The following HS6ST3 variants were observed in gnomAD, a reference collection of about 807,000 sequenced individuals.
HS6ST3 encodes the protein heparan sulfate 6-O-sulfotransferase 3.
HS6ST3 carries 12 observed loss-of-function variants against 36.7 expected under a neutral mutation model. The observed-to-expected ratio is 0.33, with a 90% CI of 0.21 to 0.53. The LOEUF is 0.53. Ranked by LOEUF, HS6ST3 falls within the 20% of genes least tolerant of loss-of-function variation. The probability of loss-of-function intolerance (pLI) is 0.95; values close to 1 mark genes in which losing one functional copy is unlikely to be tolerated. For synonymous variants in HS6ST3, 240 were observed against 257.5 expected (o/e 0.93, Z 0.65); for missense variants, 584 against 640.9 (o/e 0.91, Z 0.96).
intron 1 of HS6ST3, among the ~76,000 whole-genome samples, chr13:96,503,311 T>G (rs2056012988): frequency 6.6e-6 from 1 of 152,166 alleles, no homozygotes; most frequent in Non-Finnish European, 1.5e-5. Flanking sequence ...GAACTACCCA[T>G]TGGTGAGCAA....
chr13:96,737,612 A>G (rs546455619), intron 1 of HS6ST3, among the ~76,000 whole-genome samples: 4 of 129,728 alleles, frequency 3.1e-5, no homozygotes, highest in African/African-American at 1.2e-4. Flanking sequence ...GGCCTGGGCG[A>G]CAGAGCGAGA....
At chr13:96,136,332 A>G (rs1469101151) in intron 1 of HS6ST3, among the ~76,000 whole-genome samples, 2 of 152,148 alleles carry the variant, frequency 1.3e-5, no homozygotes, top group Non-Finnish European at 2.9e-5. Flanking sequence ...TCCACGGGCT[A>G]TATGGAAGCG....
intron 1 of HS6ST3, among the ~76,000 whole-genome samples, chr13:96,224,322 A>T (rs919062694): frequency 6.6e-6 from 1 of 151,946 alleles, no homozygotes; most frequent in African/African-American, 2.4e-5. Context: ...ATTTGAGATG[A>T]GCTGTTTGTC....
chr13:96,537,554 A>G (rs1223729261), intron 1 of HS6ST3, among the ~76,000 whole-genome samples: 1 of 152,138 alleles, frequency 6.6e-6, no homozygotes, highest in African/African-American at 2.4e-5. Flanking sequence ...TATTTCTTAC[A>G]TGCATTTGTT....
chr13:96,586,429 G>A (rs1594812750), intron 1 of HS6ST3, among the ~76,000 whole-genome samples: 1 of 151,970 alleles, frequency 6.6e-6, no homozygotes, highest in African/African-American at 2.4e-5. Flanking sequence ...CCGAGTAGCT[G>A]GGACTACAGG....
intron 1 of HS6ST3, among the ~76,000 whole-genome samples, chr13:96,180,509 A>G (rs1183527646): frequency 6.9e-6 from 1 of 145,982 alleles, no homozygotes; most frequent in African/African-American, 2.6e-5. Flanking sequence ...CAAAATAAAT[A>G]AGGAAGGGCT....
chr13:96,169,860 A>G (rs769660719), intron 1 of HS6ST3: 8 of 152,278 alleles, frequency 5.3e-5, no homozygotes, highest in Non-Finnish European at 1.2e-4. Flanking sequence ...ACAAACAAAC[A>G]AAAATAAGAT....
At chr13:96,276,355 G>A (rs1246517182) in intron 1 of HS6ST3, among the ~76,000 whole-genome samples, 2 of 152,092 alleles carry the variant, frequency 1.3e-5, no homozygotes, top group Non-Finnish European at 2.9e-5. Flanking sequence ...ATTCTCTGAT[G>A]CCATCACCTA....
At chr13:96,725,231 A>T (rs1875973037) in intron 1 of HS6ST3, among the ~76,000 whole-genome samples, 1 of 152,110 alleles carries the variant, frequency 6.6e-6, no homozygotes, top group South Asian at 2.1e-4. Flanking sequence ...ATTTTTAATT[A>T]TTCAGTTTTG....
At chr13:96,360,143 C>A (rs148503438) in intron 1 of HS6ST3, among the ~76,000 whole-genome samples, 1 of 152,184 alleles carries the variant, frequency 6.6e-6, no homozygotes, top group Non-Finnish European at 1.5e-5. Flanking sequence ...TAGGAACTAG[C>A]CCTGTCATTG....
At chr13:96,516,562 A>G (rs1047856968) in intron 1 of HS6ST3, among the ~76,000 whole-genome samples, 3 of 152,196 alleles carry the variant, frequency 2.0e-5, no homozygotes, top group African/African-American at 7.2e-5. Flanking sequence ...GTTGAAATAT[A>G]TATGCTATCA....
intron 1 of HS6ST3, among the ~76,000 whole-genome samples, chr13:96,189,804 AG>A (rs2054280597): frequency 6.6e-6 from 1 of 152,300 alleles, no homozygotes; most frequent in South Asian, 2.1e-4. Context: ...TGAACCCAAG[AG>A]ACTAAATCAA....
chr13:96,808,358 A>G (rs1878243895), intron 1 of HS6ST3, among the ~76,000 whole-genome samples: 4 of 152,154 alleles, frequency 2.6e-5, no homozygotes, highest in Admixed American at 2.6e-4. Context: ...TCACTTCCAG[A>G]TCAAAGCATT....
chr13:96,097,835 A>T (rs982824735), intron 1 of HS6ST3, among the ~76,000 whole-genome samples: 1 of 152,230 alleles, frequency 6.6e-6, no homozygotes, highest in African/African-American at 2.4e-5. Flanking sequence ...CAGCATAGAG[A>T]TTAATTTATA....
intron 1 of HS6ST3, among the ~76,000 whole-genome samples, chr13:96,434,309 A>G (rs942565696): frequency 6.6e-6 from 1 of 152,122 alleles, no homozygotes; most frequent in African/African-American, 2.4e-5. Context: ...TCTTGCTACT[A>G]TAATATTAAC....
At chr13:96,256,836 A>G (rs774858964) in intron 1 of HS6ST3, among the ~76,000 whole-genome samples, 14 of 152,146 alleles carry the variant, frequency 9.2e-5, no homozygotes, top group Non-Finnish European at 8.8e-5. Flanking sequence ...AGCATATTTT[A>G]TCATCCAAAC....
chr13:96,501,539 C>G (rs962363617), intron 1 of HS6ST3, among the ~76,000 whole-genome samples: 1 of 152,158 alleles, frequency 6.6e-6, no homozygotes, highest in Non-Finnish European at 1.5e-5. Flanking sequence ...CTTCATAGGG[C>G]AGTTGTGAGG....
intron 1 of HS6ST3, among the ~76,000 whole-genome samples, chr13:96,203,879 G>C (rs150648119): frequency 4.6e-4 from 70 of 152,180 alleles, no homozygotes; most frequent in Non-Finnish European, 8.4e-4. Flanking sequence ...CAGAGTTCCT[G>C]TACATCCCTC....
At chr13:96,800,703 A>G (rs192143398) in intron 1 of HS6ST3, among the ~76,000 whole-genome samples, 12 of 151,990 alleles carry the variant, frequency 7.9e-5, no homozygotes, top group Admixed American at 7.2e-4. Context: ...GTTATAGTGA[A>G]TAAAGTCCCC....
Sources: gnomAD v4.1 joint callset for allele counts (sites outside exome capture counted in the v4.1 genomes callset) on GRCh38, gnomAD v4.1.1 for gene constraint, MANE v1.5 for transcripts, NCBI Gene and HGNC (gene_info 2026-07-23, HGNC 2026-07-21) for gene names.